PSME4: variants seen among roughly 807,000 people sequenced by gnomAD.
PSME4 encodes the protein proteasome activator complex subunit 4.
PSME4 carries 89 observed loss-of-function variants against 253.9 expected under a neutral mutation model. The ratio of observed to expected loss-of-function variants is 0.35; its 90% CI spans 0.30 to 0.42. The LOEUF is 0.42. Ranked by LOEUF, PSME4 falls within the 10% of genes least tolerant of loss-of-function variation. The pLI, the probability that PSME4 is intolerant of heterozygous loss-of-function variation, is 1.00. For missense variants in PSME4, 2,014 were observed against 2,195.2 expected (o/e 0.92, Z 1.65); for synonymous variants, 851 against 759.2 (o/e 1.12, Z -1.99).
chr2:53,908,934 A>G, intron 21 of PSME4, 94 bp from the exon 22 acceptor site: 1 of 911,676 alleles, frequency 1.1e-6, no homozygotes, highest in South Asian at 1.7e-5. Flanking sequence ...GGAGGGATAA[A>G]GTATTGGAGA....
Position 53,970,885 on chromosome 2 carries a change from C to G in PSME4, c.-101G>C. 9.2e-7 allele frequency: 1 copy of G among 1,081,256 alleles called. No homozygotes were observed. Among genetic ancestry groups the G allele is most frequent in the South Asian group, 1.8e-5 (1 of 56,162 alleles). 67.0% of individuals were successfully genotyped at this position (1,081,256 alleles called of 1,614,324 possible). A position where few individuals can be genotyped will look rare whatever the true frequency, so the allele number is the denominator to read the frequency against. On this transcript the variant is annotated 5_prime_UTR_variant, in exon 1 of 47. Transcript: ENST00000404125. The stretch of plus-strand genomic sequence containing the variant: ...CTCCGCGTCTTCGTCGCCCTGCGGC[C>G]GCTGGCGGCCCGTCGCCCTCGGACC...
At position 53,926,001 on chromosome 2, in the gene PSME4, G is replaced by C; in HGVS notation, c.1616C>G (p.Ala539Gly). 6.2e-7 allele frequency: 1 copy of C among 1,613,406 alleles called. No homozygotes were observed. The highest frequency in any genetic ancestry group is 8.5e-7 in the Non-Finnish European group (1 of 1,179,396). Residue 539 changes from alanine to glycine, a missense_variant, in exon 13 of 47, where the codon GCC (alanine) becomes GGC (glycine). By Grantham distance (60) the Ala-to-Gly change is moderately conservative. Transcript: ENST00000404125. ...GACGAAATCCTCAAATTCAGCTGTGGCTGAACAAAGTTCTCGTTCCACCTA... is the reference window on the plus strand; with the variant it reads ...GACGAAATCCTCAAATTCAGCTGTGCCTGAACAAAGTTCTCGTTCCACCTA... ...LTEVERELCS[A>G]TAEFEDFVLQ...
chr2:53,958,183 CAAA>C (rs1211892917), intron 1 of PSME4, among the ~76,000 whole-genome samples: 9 of 65,814 alleles, frequency 1.4e-4, no homozygotes, highest in African/African-American at 1.8e-4. Flanking sequence ...AAGACTCTGT[CAAA>C]AAAAAAAAAA....
chr2:53,875,229 T>C (rs1679065866), intron 42 of PSME4, among the ~76,000 whole-genome samples: 1 of 152,184 alleles, frequency 6.6e-6, no homozygotes, highest in South Asian at 2.1e-4. Flanking sequence ...AAGCTGACCA[T>C]ACAGTATACC....
At chr2:53,910,400 T>C (rs1667775419) in intron 20 of PSME4, among the ~76,000 whole-genome samples, 1 of 152,176 alleles carries the variant, frequency 6.6e-6, no homozygotes, top group South Asian at 2.1e-4. Context: ...AATACTCAAA[T>C]GTAAAAGATT....
chr2:53,965,579 T>A (rs1670685422), intron 1 of PSME4, among the ~76,000 whole-genome samples: 1 of 151,558 alleles, frequency 6.6e-6, no homozygotes, highest in Non-Finnish European at 1.5e-5. Context: ...AGTTCTACTA[T>A]CAAGGAAGTA....
At chr2:53,945,084 T>C (rs1455340144) in intron 3 of PSME4, among the ~76,000 whole-genome samples, 1 of 152,162 alleles carries the variant, frequency 6.6e-6, no homozygotes, top group Non-Finnish European at 1.5e-5. Flanking sequence ...ACCAAATTAG[T>C]GGTAATACTA....
chr2:53,932,015 A>G lies in PSME4; in HGVS notation c.1136T>C (p.Leu379Ser). ...HRERYKKPSW[L>S]TPVPDSHKLT... Reference sequence around the variant, plus strand: ...CTTGTGGCTATCAGGCACAGGAGTTAACCAAGAGGGCTTCTTGTATCTTTC... The same window carrying G: ...CTTGTGGCTATCAGGCACAGGAGTTGACCAAGAGGGCTTCTTGTATCTTTC... Residue 379 changes from leucine to serine, a missense_variant, in exon 10 of 47, where the codon TTA (leucine) becomes TCA (serine). Leu to Ser is a moderately radical substitution (Grantham distance 145). Around this residue, in one of 4 missense-constraint regions of PSME4, gnomAD observed 615 missense variants for 594.4 expected, o/e 1.03. Transcript: ENST00000404125. 1 of 1,613,782 alleles carries G rather than the reference A, an allele frequency of 6.2e-7. No individual in the cohort carries two copies. The highest frequency in any genetic ancestry group is 8.5e-7 in the Non-Finnish European group (1 of 1,179,650).
intron 35 of PSME4, among the ~76,000 whole-genome samples, chr2:53,893,238 A>G (rs1679991313): frequency 6.6e-6 from 1 of 151,718 alleles, no homozygotes; most frequent in Admixed American, 6.6e-5. Context: ...AGTTTTGGGT[A>G]TTTTTTTTCC....
chr2:53,937,342 G>A lies in PSME4; in HGVS notation c.695+49C>T, dbSNP rs200980219. The A allele has an allele frequency of 2.3e-3, 3,335 of 1,445,448 alleles. 18 individuals carry two copies. The highest frequency in any genetic ancestry group is 9.9e-3 in the South Asian group (755 of 76,128). The allele number at this position is 1,445,448 out of a possible 1,614,324, so 89.5% of individuals were successfully genotyped here. A position where few individuals can be genotyped will look rare whatever the true frequency, so the allele number is the denominator to read the frequency against. On this transcript the variant is annotated intron_variant, in intron 5 of 46. Coordinates refer to ENST00000404125, the MANE Select transcript of PSME4 (RefSeq NM_014614.3). ...TATTGTTTTACTAGTTTCTTTATCT[G>A]TATTTCCTACCGTATTTTTAGAATT...
chr2:53,865,355 A>G lies in PSME4; in HGVS notation c.*223T>C, dbSNP rs960067583. The G allele has an allele frequency of 1.3e-5, 2 of 152,780 alleles. No homozygotes were observed. The highest frequency in any genetic ancestry group is 3.4e-3 in the Middle Eastern group (1 of 294). The allele number at this position is 152,780 out of a possible 1,614,324, so 9.5% of individuals were successfully genotyped here. A position where few individuals can be genotyped will look rare whatever the true frequency, so the allele number is the denominator to read the frequency against. ...TGACTTTGTCAGATGCCTCAAAAAA[A>G]AAAAGTGATCAGTATTCTGGAAACA... On this transcript the variant is annotated 3_prime_UTR_variant, in exon 47 of 47. Coordinates refer to ENST00000404125, the MANE Select transcript of PSME4 (RefSeq NM_014614.3).
chr2:53,905,884 A>C (rs1460230956), intron 26 of PSME4, among the ~76,000 whole-genome samples: 1 of 152,192 alleles, frequency 6.6e-6, no homozygotes, highest in African/African-American at 2.4e-5. Flanking sequence ...GATTTTTTTC[A>C]CATTTTGAAA....
At chr2:53,934,514 T>C in intron 8 of PSME4, 91 bp downstream of exon 8, 1 of 1,315,080 alleles carries the variant, frequency 7.6e-7, no homozygotes, top group Non-Finnish European at 1.0e-6. Flanking sequence ...ACCAAGCCAC[T>C]ATTATCAACT....
At chr2:53,914,857 G>C (rs1052986459) in intron 20 of PSME4, among the ~76,000 whole-genome samples, 4 of 152,106 alleles carry the variant, frequency 2.6e-5, no homozygotes, top group Non-Finnish European at 5.9e-5. Context: ...CTCCAGCCTG[G>C]GCAACGAGTG....
At chr2:53,909,043 C>T (rs1667702164) in intron 21 of PSME4, among the ~76,000 whole-genome samples, 2 of 151,650 alleles carry the variant, frequency 1.3e-5, no homozygotes, top group African/African-American at 2.4e-5. Flanking sequence ...TATGAGATGT[C>T]TATCATGCTT....
Position 53,888,731 on chromosome 2 carries a change from C to G in PSME4, c.4378G>C (p.Val1460Leu), listed in dbSNP as rs1679754209. The change falls in exon 38 of 47, where the codon GTA becomes CTA. Residue 1460 changes from valine (V) to leucine (L), a missense_variant. By Grantham distance (32) the Val-to-Leu change is conservative. This residue lies in a region of PSME4 where 403 missense variants were observed against 556.1 expected (regional missense o/e 0.72). Transcript: ENST00000404125. ...TTTAAAAAAATTTACCATGCATCTA[C>G]AAAGGATCCTCCTTCACCACTCAAT... ...SPLSGEGGSF[V>L]DACRLYVLQG... 2.5e-6 allele frequency: 4 copies of G among 1,610,034 alleles called. No homozygotes were observed. The highest frequency in any genetic ancestry group is 3.4e-6 in the Non-Finnish European group (4 of 1,176,968).
intron 28 of PSME4, among the ~76,000 whole-genome samples, chr2:53,900,393 C>T (rs1006093846): frequency 4.7e-5 from 7 of 150,058 alleles, no homozygotes; most frequent in Non-Finnish European, 8.9e-5. Context: ...ACCCCTGTCT[C>T]TCTCTCAAAA....
chr2:53,955,257 G>T (rs1047836858), intron 1 of PSME4, among the ~76,000 whole-genome samples: 1 of 152,156 alleles, frequency 6.6e-6, no homozygotes, highest in Non-Finnish European at 1.5e-5. Flanking sequence ...TCTAGTATGA[G>T]AATGGCTTGT....
chr2:53,912,876 T>G (rs1245987104), intron 20 of PSME4, among the ~76,000 whole-genome samples: 1 of 152,230 alleles, frequency 6.6e-6, no homozygotes, highest in Non-Finnish European at 1.5e-5. Flanking sequence ...GTGCCCAGGA[T>G]GTAATCTGTG....
Sources: gnomAD v4.1 joint callset for allele counts (sites outside exome capture counted in the v4.1 genomes callset) on GRCh38, gnomAD v4.1.1 for gene constraint, gnomAD v4.1.1 regional missense constraint, MANE v1.5 for transcripts, NCBI Gene and HGNC (gene_info 2026-07-23, HGNC 2026-07-21) for gene names.